OSMR: variants seen among roughly 807,000 people sequenced by gnomAD.
The protein encoded by OSMR is oncostatin-M-specific receptor subunit beta.
Under a neutral mutation model 99.9 loss-of-function variants are expected in OSMR, and 81 were observed. The ratio of observed to expected loss-of-function variants is 0.81; its 90% CI spans 0.68 to 0.97. The LOEUF (loss-of-function observed/expected upper bound fraction) is 0.97. Among genes scored for constraint, OSMR ranks in the 50% least tolerant of loss-of-function variants. The pLI is 0.00. For missense variants in OSMR, 1,099 were observed against 1,153.4 expected (o/e 0.95, Z 0.68); for synonymous variants, 406 against 410.4 (o/e 0.99, Z 0.13).
Position 38,933,383 on chromosome 5 carries a change from C to A in OSMR, c.2879C>A (p.Pro960Gln). 1 of 1,614,038 alleles carries A rather than the reference C, an allele frequency of 6.2e-7. No homozygotes were observed. The highest frequency in any genetic ancestry group is 8.5e-7 in the Non-Finnish European group (1 of 1,179,916). The change falls in exon 18 of 18, where the codon CCG becomes CAG. Residue 960 changes from proline (P) to glutamine (Q), a missense_variant. By Grantham distance (76) the Pro-to-Gln change is moderately conservative. Coordinates refer to ENST00000274276, the MANE Select transcript of OSMR (RefSeq NM_003999.3). ...AVSLRLALPP[P>Q]TENSSLSSIT... ...TCCCTGCGTCTTGCCTTGCCTCCCC[C>A]GACCGAGAATAGCAGCCTCTCCTCA...
intron 15 of OSMR, 89 bp downstream of exon 15, chr5:38,925,460 C>T (rs2112671085): frequency 8.5e-7 from 1 of 1,172,284 alleles, no homozygotes; most frequent in East Asian, 2.4e-5. Context: ...TTGTCTAGAT[C>T]AGGAATTTTC....
chr5:38,940,797 T>C (rs1280682030), intron 1 of OSMR: 1 of 232,070 alleles, frequency 4.3e-6, no homozygotes, highest in East Asian at 6.1e-5. Flanking sequence ...CTGTGAGTTA[T>C]GTTTTCTAGT....
Position 38,846,024 on chromosome 5 carries a change from GC to G in OSMR, c.-373del, listed in dbSNP as rs1739768179. Reference sequence around the variant, plus strand: ...GCGCTTGCCCCGCAGCTGATTCATAGCCCCGGCCCGGGCCGCCTCTGCACGT... The same window carrying G: ...GCGCTTGCCCCGCAGCTGATTCATAGCCCGGCCCGGGCCGCCTCTGCACGT... On this transcript the variant is annotated 5_prime_UTR_variant, in exon 1 of 18. Coordinates refer to ENST00000274276, the MANE Select transcript of OSMR (RefSeq NM_003999.3). 6.6e-6 allele frequency: 1 copy of G among 152,384 alleles called. No individual in the cohort carries two copies. The highest frequency in any genetic ancestry group is 2.4e-5 in the African/African-American group (1 of 41,408). 9.4% of individuals were successfully genotyped at this position (152,384 alleles called of 1,614,324 possible).
At chr5:38,875,141 C>T (rs116713730) in intron 2 of OSMR, among the ~76,000 whole-genome samples, 2,386 of 152,334 alleles carry the variant, frequency 0.016, 64 homozygotes, top group African/African-American at 0.055. Context: ...ATATCTCTTA[C>T]GCCATGAGTC....
intron 15 of OSMR, among the ~76,000 whole-genome samples, chr5:38,930,384 C>T (rs1746667124): frequency 6.6e-6 from 1 of 152,102 alleles, no homozygotes; most frequent in South Asian, 2.1e-4. Context: ...GTGCATCTAC[C>T]CAGGGCCACT....
chr5:38,934,496 C>A lies in OSMR; in HGVS notation c.*1052C>A, dbSNP rs1746926458. Reference sequence around the variant, plus strand: ...TTTGTCTCCTCTGAACCAATATATCCCAAACCAATATATGCAAAGCACCTG... The same window carrying A: ...TTTGTCTCCTCTGAACCAATATATCACAAACCAATATATGCAAAGCACCTG... On this transcript the variant is annotated 3_prime_UTR_variant, in exon 18 of 18. Coordinates refer to ENST00000274276, the MANE Select transcript of OSMR (RefSeq NM_003999.3). 1 of 152,060 alleles carries A rather than the reference C, an allele frequency of 6.6e-6. No individual in the cohort carries two copies. Among genetic ancestry groups the A allele is most frequent in the South Asian group, 2.1e-4 (1 of 4,820 alleles). 9.4% of individuals were successfully genotyped at this position (152,060 alleles called of 1,614,324 possible).
At chr5:38,917,446 G>A in intron 9 of OSMR, 100 bp from the exon 10 acceptor site, 1 of 1,544,790 alleles carries the variant, frequency 6.5e-7, no homozygotes, top group Middle Eastern at 2.0e-4. Context: ...CCTCAGGTTG[G>A]ACAGGTAATT....
intron 1 of OSMR, among the ~76,000 whole-genome samples, chr5:38,864,561 T>TTTGC (rs1741783846): frequency 4.0e-5 from 6 of 149,910 alleles, no homozygotes; most frequent in Admixed American, 6.6e-5. Context: ...TTTCTTTTAG[T>TTTGC]ACTTAGAATA....
chr5:38,897,755 G>A (rs1292101917), intron 7 of OSMR, among the ~76,000 whole-genome samples: 1 of 151,970 alleles, frequency 6.6e-6, no homozygotes, highest in East Asian at 1.9e-4. Flanking sequence ...GGGCACTTAT[G>A]GCTATAAACT....
At chr5:38,854,318 T>C (rs1382141364) in intron 1 of OSMR, among the ~76,000 whole-genome samples, 1 of 152,194 alleles carries the variant, frequency 6.6e-6, no homozygotes, top group Non-Finnish European at 1.5e-5. Context: ...GTGAGGAAAC[T>C]TCCCAGGAAT....
intron 13 of OSMR, 91 bp downstream of exon 13, chr5:38,923,345 C>T: frequency 1.3e-6 from 1 of 797,468 alleles, no homozygotes; most frequent in African/African-American, 1.7e-5. Context: ...GCTGTCAGCA[C>T]CATACCCAAC....
At chr5:38,846,758 T>C (rs976204816) in intron 1 of OSMR, among the ~76,000 whole-genome samples, 23 of 152,106 alleles carry the variant, frequency 1.5e-4, no homozygotes, top group Non-Finnish European at 1.3e-4. Flanking sequence ...TACCTTCTTC[T>C]CCAGCCACTT....
At chr5:38,932,043 C>G (rs1746776766) in intron 16 of OSMR, 79 bp downstream of exon 16, 5 of 1,055,018 alleles carry the variant, frequency 4.7e-6, no homozygotes, top group Non-Finnish European at 7.4e-6. Context: ...ATAGAAATGA[C>G]ATTGAATAAT....
intron 2 of OSMR, among the ~76,000 whole-genome samples, chr5:38,873,923 C>T (rs1742597258): frequency 6.6e-6 from 1 of 152,078 alleles, no homozygotes; most frequent in Non-Finnish European, 1.5e-5. Context: ...GCCTCTGTCT[C>T]CCGGGCTCAA....
In OSMR at chr5:38,935,484, A is replaced by G. The variant is rs1336049045; in HGVS notation, c.*2040A>G. 6.6e-6 allele frequency: 1 copy of G among 152,216 alleles called. No homozygotes were observed. The highest frequency in any genetic ancestry group is 2.4e-5 in the African/African-American group (1 of 41,458). 9.4% of individuals were successfully genotyped at this position (152,216 alleles called of 1,614,324 possible). On this transcript the variant is annotated 3_prime_UTR_variant, in exon 18 of 18. Transcript: ENST00000274276. Reference sequence around the variant, plus strand: ...ATTTATGTACCTTTGTTATGATGGGATATTTTTCATTTGAAACTTGTTCAT... The same window carrying G: ...ATTTATGTACCTTTGTTATGATGGGGTATTTTTCATTTGAAACTTGTTCAT...
At chr5:38,872,833 A>C (rs1299900043) in intron 2 of OSMR, among the ~76,000 whole-genome samples, 1 of 152,236 alleles carries the variant, frequency 6.6e-6, no homozygotes, top group Non-Finnish European at 1.5e-5. Flanking sequence ...CATTTTTAAA[A>C]AGCGCATGGG....
At chr5:38,878,714 A>G (rs3828648) in intron 3 of OSMR, among the ~76,000 whole-genome samples, 48,710 of 151,940 alleles carry the variant, frequency 0.32, 8,831 homozygotes, top group East Asian at 0.63. Flanking sequence ...TAAACCTGCC[A>G]CTTCAATAAA....
intron 1 of OSMR, among the ~76,000 whole-genome samples, chr5:38,861,866 GCGGGGGGC>G (rs1741379780): frequency 7.0e-6 from 1 of 143,706 alleles, no homozygotes; most frequent in Non-Finnish European, 1.5e-5. Context: ...GGCTGGCCGG[GCGGGGGGC>G]TGACCCCCCC....
At chr5:38,939,529 A>T (rs1747308263), downstream of OSMR, 1 of 231,960 alleles carries the variant, frequency 4.3e-6, no homozygotes, top group African/African-American at 2.2e-5. Context: ...TTTAATTATG[A>T]ATACTAAATT....
Sources: allele counts gnomAD v4.1 joint callset (sites outside exome capture counted in the v4.1 genomes callset), GRCh38; gene constraint gnomAD v4.1.1; transcripts MANE v1.5; gene names NCBI Gene and HGNC (gene_info 2026-07-23, HGNC 2026-07-21).